The following P3H2 variants were observed in gnomAD, a reference collection of about 807,000 sequenced individuals.
The protein encoded by P3H2 is prolyl 3-hydroxylase 2.
Under a neutral mutation model 87.0 loss-of-function variants are expected in P3H2, and 80 were observed. The observed-to-expected ratio is 0.92, with a 90% CI of 0.77 to 1.11. The LOEUF is 1.11. Ranked by LOEUF, P3H2 falls within the 50% of genes least tolerant of loss-of-function variation. The probability of loss-of-function intolerance (pLI) is 0.00; values close to 1 mark genes in which losing one functional copy is unlikely to be tolerated. For missense variants in P3H2, 1,001 were observed against 923.9 expected (o/e 1.08, Z -1.08); for synonymous variants, 367 against 359.3 (o/e 1.02, Z -0.24).
At chr3:190,081,835 C>T (rs993833394) in intron 1 of P3H2, among the ~76,000 whole-genome samples, 3 of 152,122 alleles carry the variant, frequency 2.0e-5, no homozygotes, top group Non-Finnish European at 4.4e-5. Flanking sequence ...TAGGATGATA[C>T]CCAGCCACTC....
At position 189,988,982 on chromosome 3, in the gene P3H2, G is replaced by A. The variant is rs752518027; in HGVS notation, c.880C>T (p.Arg294Cys). Residue 294 changes from arginine (R) to cysteine (C), a missense_variant, in exon 4 of 15, where the codon CGC becomes TGC. By Grantham distance (180) the Arg-to-Cys change is radical. Transcript: ENST00000319332. ...QHECVRELAT[R>C]PGRLSPIENF... is the part of the protein sequence containing the mutation. ...TCGATGGGAGAGAGGCGGCCAGGGC[G>A]GGTGGCAAGTTCCCTCACACATTCA... is the stretch of plus-strand genomic sequence containing the variant. 16 of 1,613,902 alleles carry A rather than the reference G, an allele frequency of 9.9e-6. No homozygotes were observed. Among genetic ancestry groups the A allele is most frequent in the Admixed American group, 8.3e-5 (5 of 59,988 alleles).
At chr3:190,042,421 T>C (rs577958447) in intron 1 of P3H2, among the ~76,000 whole-genome samples, 1 of 147,540 alleles carries the variant, frequency 6.8e-6, no homozygotes, top group Admixed American at 6.6e-5. Context: ...CATTGTCTTG[T>C]AAGATTTTGT....
intron 1 of P3H2, among the ~76,000 whole-genome samples, chr3:190,085,204 A>G (rs6763940): frequency 0.091 from 13,876 of 152,112 alleles, 1,738 homozygotes; most frequent in African/African-American, 0.28. Flanking sequence ...GAGAAAGAAG[A>G]AGGAGCTAGA....
chr3:190,009,715 T>C (rs1473929058), intron 1 of P3H2, among the ~76,000 whole-genome samples: 2 of 152,212 alleles, frequency 1.3e-5, no homozygotes, highest in East Asian at 3.8e-4. Flanking sequence ...ATCTCTACTC[T>C]TTCTACCCAG....
At chr3:190,006,166 T>C (rs529980999) in intron 1 of P3H2, among the ~76,000 whole-genome samples, 3 of 152,328 alleles carry the variant, frequency 2.0e-5, no homozygotes, top group African/African-American at 4.8e-5. Context: ...ACTAAACATA[T>C]CGAGTAGCAT....
intron 4 of P3H2, among the ~76,000 whole-genome samples, chr3:189,987,994 G>A (rs1367430782): frequency 6.6e-6 from 1 of 152,108 alleles, no homozygotes; most frequent in Non-Finnish European, 1.5e-5. Context: ...TCTGATTTTT[G>A]TACCGAGTTT....
chr3:189,990,620 G>T (rs1005354016), intron 3 of P3H2, among the ~76,000 whole-genome samples: 1 of 152,090 alleles, frequency 6.6e-6, no homozygotes, highest in Non-Finnish European at 1.5e-5. Flanking sequence ...TATTTTTCCC[G>T]AACTGTTAAT....
At chr3:190,032,276 T>C (rs1725278674) in intron 1 of P3H2, among the ~76,000 whole-genome samples, 1 of 152,196 alleles carries the variant, frequency 6.6e-6, no homozygotes, top group South Asian at 2.1e-4. Context: ...TATATTTCTG[T>C]AGGTGTGTTG....
At chr3:190,074,578 TA>T (rs923875651) in intron 1 of P3H2, among the ~76,000 whole-genome samples, 3 of 150,896 alleles carry the variant, frequency 2.0e-5, no homozygotes, top group African/African-American at 7.3e-5. Context: ...AGCATCACTG[TA>T]AAAAAAAAGA....
intron 1 of P3H2, 72 bp downstream of exon 1, chr3:190,120,180 G>T: frequency 1.3e-6 from 2 of 1,528,590 alleles, no homozygotes; most frequent in Non-Finnish European, 1.8e-6. Flanking sequence ...GATGACGGGG[G>T]CAGCAGGGAG....
chr3:189,983,509 T>C (rs1298076486), intron 7 of P3H2: 1 of 195,074 alleles, frequency 5.1e-6, no homozygotes, highest in East Asian at 1.2e-4. Context: ...GAACAACTGT[T>C]GAATTGAAAT....
chr3:189,982,805 T>C (rs536642484), intron 8 of P3H2, among the ~76,000 whole-genome samples: 5 of 152,208 alleles, frequency 3.3e-5, no homozygotes, highest in Non-Finnish European at 7.4e-5. Context: ...GGGAAACAGA[T>C]GAGGGAGTGA....
At chr3:190,039,129 C>A (rs776696163) in intron 1 of P3H2, among the ~76,000 whole-genome samples, 1 of 150,646 alleles carries the variant, frequency 6.6e-6, no homozygotes, top group African/African-American at 2.5e-5. Flanking sequence ...GCAGAGGTTG[C>A]GGTGAGCCGA....
chr3:189,959,595 T>C (rs1435933422), intron 14 of P3H2, among the ~76,000 whole-genome samples: 1 of 152,056 alleles, frequency 6.6e-6, no homozygotes, highest in Non-Finnish European at 1.5e-5. Context: ...CTTCTTAACT[T>C]ACCTCAAGCT....
At chr3:190,087,478 A>G (rs1306650076) in intron 1 of P3H2, among the ~76,000 whole-genome samples, 4 of 144,776 alleles carry the variant, frequency 2.8e-5, no homozygotes. Flanking sequence ...TGGGAGGCGG[A>G]GCTTGCAGTG....
rs1022883474 is a variant in P3H2, at chr3:189,964,105, A to C, written c.1894-7T>G. 2 of 1,613,558 alleles carry C rather than the reference A, an allele frequency of 1.2e-6. No individual in the cohort carries two copies. Among genetic ancestry groups the C allele is most frequent in the East Asian group, 4.5e-5 (2 of 44,886 alleles). On this transcript the variant is annotated splice_polypyrimidine_tract_variant and splice_region_variant and intron_variant, in intron 13 of 14. Coordinates refer to ENST00000319332, the MANE Select transcript of P3H2 (RefSeq NM_018192.4). ...ATTTTGGTTTTATAGAGGCCTGAGA[A>C]AGAAAGCAAAAATTAGACTTTCAAT...
intron 12 of P3H2, chr3:189,971,617 A>G: frequency 2.4e-6 from 1 of 411,956 alleles, no homozygotes; most frequent in Non-Finnish European, 4.5e-6. Context: ...CAGGGAGAAC[A>G]GGAATTTTTT....
intron 2 of P3H2, among the ~76,000 whole-genome samples, chr3:189,994,529 T>C (rs1306997067): frequency 6.6e-6 from 1 of 152,172 alleles, no homozygotes; most frequent in Non-Finnish European, 1.5e-5. Context: ...GATCAGTCAA[T>C]GTCGTTTTTT....
intron 1 of P3H2, among the ~76,000 whole-genome samples, chr3:190,103,159 AC>A (rs1283548508): frequency 6.6e-6 from 1 of 152,228 alleles, no homozygotes; most frequent in Non-Finnish European, 1.5e-5. Flanking sequence ...CTGGAACCAA[AC>A]CTGCAATATT....
Sources: allele counts gnomAD v4.1 joint callset (sites outside exome capture counted in the v4.1 genomes callset), GRCh38; gene constraint gnomAD v4.1.1; transcripts MANE v1.5; gene names NCBI Gene and HGNC (gene_info 2026-07-23, HGNC 2026-07-21).